The following CNTNAP2 variants were observed in gnomAD, a reference collection of about 807,000 sequenced individuals.
CNTNAP2 encodes contactin associated protein 2.
A neutral mutation model predicts 155.2 loss-of-function variants in CNTNAP2; 98 were observed. That is an observed-to-expected ratio of 0.63 (90% confidence interval 0.54 to 0.75). The LOEUF (loss-of-function observed/expected upper bound fraction) is 0.75, where lower values mean the gene tolerates loss of function less well. Among genes scored for constraint, CNTNAP2 ranks in the 30% least tolerant of loss-of-function variants. The probability of loss-of-function intolerance (pLI) is 0.00; values close to 1 mark genes in which losing one functional copy is unlikely to be tolerated. For synonymous variants in CNTNAP2, 651 were observed against 631.2 expected, an observed-to-expected ratio of 1.03 and a Z score of -0.47; for missense variants, 1,727 against 1,688.1, an observed-to-expected ratio of 1.02 and a Z score of -0.40.
intron 1 of CNTNAP2, among the ~76,000 whole-genome samples, chr7:146,452,143 A>C (rs1796493250): frequency 6.6e-6 from 1 of 151,662 alleles, no homozygotes; most frequent in Admixed American, 6.6e-5. Context: ...TCTTGACCTC[A>C]TGATCCACCC....
chr7:147,046,286 A>G lies in CNTNAP2; in HGVS notation c.550+2232A>G, dbSNP rs544299054. Among the ~76,000 whole-genome samples the G allele has an allele frequency of 2.6e-5, 4 of 152,050 alleles. No homozygotes were observed. The South Asian group carries it at 6.2e-4, about 24-fold the overall frequency. On this transcript the variant is annotated intron_variant, in intron 4 of 23. Coordinates refer to ENST00000361727, the MANE Select transcript of CNTNAP2 (RefSeq NM_014141.6). ...CTTCTCCCAGTTACTGCAACTCCTTAAACATAAAAATTCACCTGATTTGTA... is the reference window on the plus strand; with the variant it reads ...CTTCTCCCAGTTACTGCAACTCCTTGAACATAAAAATTCACCTGATTTGTA...
At chr7:147,304,626 T>TTA (rs1794995503) in intron 9 of CNTNAP2, among the ~76,000 whole-genome samples, 1 of 152,064 alleles carries the variant, frequency 6.6e-6, no homozygotes, top group African/African-American at 2.4e-5. Flanking sequence ...CAGGCAGGTC[T>TTA]TAGGAAGGTA....
chr7:146,419,522 C>A (rs1795982450), intron 1 of CNTNAP2, among the ~76,000 whole-genome samples: 1 of 151,960 alleles, frequency 6.6e-6, no homozygotes, highest in South Asian at 2.1e-4. Flanking sequence ...ATTTTAATTC[C>A]AATTATTATC....
In CNTNAP2 at chr7:146,989,993, T is replaced by A. The variant is rs190118619; in HGVS notation, c.403-53914T>A. 1.1e-4 allele frequency among the ~76,000 whole-genome samples: 17 copies of A among 152,220 alleles called. No individual in the cohort carries two copies. The East Asian group carries it at 3.3e-3, about 29-fold the overall frequency. ...ATATGGAAATCAAATATCACATAGT[T>A]ATCTGGTCATATTTACAGGGATATT... On this transcript the variant is annotated intron_variant, in intron 3 of 23. Coordinates refer to ENST00000361727, the MANE Select transcript of CNTNAP2 (RefSeq NM_014141.6).
At chr7:147,492,530 T>C (rs1273211294) in intron 11 of CNTNAP2, among the ~76,000 whole-genome samples, 1 of 152,210 alleles carries the variant, frequency 6.6e-6, no homozygotes, top group African/African-American at 2.4e-5. Flanking sequence ...TCATGTAATA[T>C]TATATGTGTA....
chr7:146,444,556 A>T (rs1316889518), intron 1 of CNTNAP2, among the ~76,000 whole-genome samples: 3 of 152,084 alleles, frequency 2.0e-5, no homozygotes, highest in Admixed American at 2.0e-4. Flanking sequence ...TGTTCACCTC[A>T]TGTAGCCAGA....
chr7:148,315,853 A>G (rs905386673), intron 21 of CNTNAP2, among the ~76,000 whole-genome samples: 2 of 152,284 alleles, frequency 1.3e-5, no homozygotes, highest in Non-Finnish European at 2.9e-5. Flanking sequence ...TTTTTTATAT[A>G]AACACCTATG....
At chr7:147,869,443 T>G (rs1453717804) in intron 13 of CNTNAP2, among the ~76,000 whole-genome samples, 1 of 152,174 alleles carries the variant, frequency 6.6e-6, no homozygotes, top group African/African-American at 2.4e-5. Context: ...GTTAAGAGAA[T>G]GAGAATTTCA....
At chr7:148,181,070 A>G (rs1458111041) in intron 18 of CNTNAP2, among the ~76,000 whole-genome samples, 1 of 152,162 alleles carries the variant, frequency 6.6e-6, no homozygotes, top group African/African-American at 2.4e-5. Flanking sequence ...CAGAACTTAT[A>G]CCAGATTCTC....
intron 15 of CNTNAP2, among the ~76,000 whole-genome samples, chr7:148,023,411 A>G (rs1038714815): frequency 2.6e-5 from 4 of 152,184 alleles, no homozygotes; most frequent in African/African-American, 9.7e-5. Context: ...TAGTTTAAAT[A>G]TTCATCTGTT....
At chr7:147,897,677 A>G (rs1477650839) in intron 13 of CNTNAP2, among the ~76,000 whole-genome samples, 1 of 152,170 alleles carries the variant, frequency 6.6e-6, no homozygotes, top group Non-Finnish European at 1.5e-5. Context: ...ATGGCCAGAG[A>G]TGGAATCAGC....
chr7:146,496,230 G>A (rs181931193), intron 1 of CNTNAP2, among the ~76,000 whole-genome samples: 5 of 152,212 alleles, frequency 3.3e-5, no homozygotes, highest in African/African-American at 1.2e-4. Flanking sequence ...GAGTTCAGGC[G>A]GTGATGACTT....
intron 1 of CNTNAP2, among the ~76,000 whole-genome samples, chr7:146,569,319 T>A (rs1798406381): frequency 6.6e-6 from 1 of 152,200 alleles, no homozygotes; most frequent in Non-Finnish European, 1.5e-5. Context: ...GCGCCCGGCC[T>A]CTCTGTGGTT....
chr7:148,076,603 T>C (rs1803491602), intron 15 of CNTNAP2, among the ~76,000 whole-genome samples: 1 of 151,544 alleles, frequency 6.6e-6, no homozygotes, highest in African/African-American at 2.4e-5. Context: ...GCCCGGCTAA[T>C]TTTTTGTATT....
intron 3 of CNTNAP2, among the ~76,000 whole-genome samples, chr7:146,880,765 C>T (rs6942909): frequency 0.18 from 27,900 of 152,048 alleles, 3,510 homozygotes; most frequent in African/African-American, 0.36. Context: ...TTTGTCATCT[C>T]TTTGGAAACT....
chr7:148,362,210 C>A (rs56192162), intron 21 of CNTNAP2, among the ~76,000 whole-genome samples: 49,783 of 118,696 alleles, frequency 0.42, 8,753 homozygotes, highest in Non-Finnish European at 0.49. Context: ...AAAAAAAAAA[C>A]AAAAAACAAA....
At chr7:148,028,262 C>A (rs976481965) in intron 15 of CNTNAP2, among the ~76,000 whole-genome samples, 6 of 152,308 alleles carry the variant, frequency 3.9e-5, no homozygotes, top group African/African-American at 1.4e-4. Context: ...TAACTGATTT[C>A]TCTCAAGAGC....
At chr7:147,248,842 G>C (rs1207854069) in intron 8 of CNTNAP2, among the ~76,000 whole-genome samples, 1 of 152,180 alleles carries the variant, frequency 6.6e-6, no homozygotes, top group East Asian at 1.9e-4. Context: ...TTTGAAAACA[G>C]GCATGAAGAG....
chr7:147,451,630 C>T (rs574779413), intron 10 of CNTNAP2, among the ~76,000 whole-genome samples: 16 of 152,032 alleles, frequency 1.1e-4, no homozygotes, highest in South Asian at 4.2e-4. Context: ...TGGTTTCTGA[C>T]GCCACAGCTC....
Sources: allele counts gnomAD v4.1 joint callset (sites outside exome capture counted in the v4.1 genomes callset), GRCh38; gene constraint gnomAD v4.1.1; transcripts MANE v1.5; gene names NCBI Gene and HGNC (gene_info 2026-07-23, HGNC 2026-07-21).